Variants in RIN3 observed in about 807,000 individuals in gnomAD.
The protein encoded by RIN3 is RAB5 interacting protein 3.
RIN3 carries 54 observed loss-of-function variants against 76.3 expected under a neutral mutation model. The ratio of observed to expected loss-of-function variants is 0.71; its 90% CI spans 0.57 to 0.89. RIN3 has a LOEUF of 0.89. Among genes scored for constraint, RIN3 ranks in the 40% least tolerant of loss-of-function variants. The probability of loss-of-function intolerance (pLI) is 0.00; values close to 1 mark genes in which losing one functional copy is unlikely to be tolerated. For missense variants in RIN3, 1,256 were observed against 1,322.1 expected (o/e 0.95, Z 0.78); for synonymous variants, 576 against 564.0 (o/e 1.02, Z -0.30).
intron 1 of RIN3, chr14:92,515,483 C>T (rs1300698110): frequency 4.1e-6 from 2 of 488,406 alleles, no homozygotes; most frequent in East Asian, 6.7e-5. Context: ...TCTCAGTTCA[C>T]TTATCAATAA....
At chr14:92,559,189 A>G (rs906756370) in intron 2 of RIN3, among the ~76,000 whole-genome samples, 5 of 152,086 alleles carry the variant, frequency 3.3e-5, no homozygotes, top group Admixed American at 2.0e-4. Flanking sequence ...CCTTGACTGT[A>G]AGATCTGACT....
chr14:92,564,339 G>A (rs1427198107), intron 2 of RIN3, among the ~76,000 whole-genome samples: 2 of 152,210 alleles, frequency 1.3e-5, no homozygotes, highest in African/African-American at 4.8e-5. Context: ...CACCTTGGCT[G>A]AAGATAGACA....
intron 1 of RIN3, among the ~76,000 whole-genome samples, chr14:92,552,318 A>G (rs1179675231): frequency 6.6e-6 from 1 of 152,130 alleles, no homozygotes; most frequent in East Asian, 1.9e-4. Context: ...CCGGGCTGGG[A>G]AGCAGGTTTA....
At chr14:92,611,616 G>A (rs1885739927) in intron 3 of RIN3, among the ~76,000 whole-genome samples, 1 of 152,182 alleles carries the variant, frequency 6.6e-6, no homozygotes, top group Non-Finnish European at 1.5e-5. Flanking sequence ...AATGCAGTAT[G>A]AGGTCAGCTT....
chr14:92,606,373 TACA>T, intron 3 of RIN3, among the ~76,000 whole-genome samples: 1 of 151,946 alleles, frequency 6.6e-6, no homozygotes, highest in African/African-American at 2.4e-5. Flanking sequence ...ACCCCATATC[TACA>T]ACAACAATAA....
At chr14:92,644,497 C>T (rs896336382) in intron 5 of RIN3, 1 of 151,720 alleles carries the variant, frequency 6.6e-6, no homozygotes, top group Non-Finnish European at 1.5e-5. Context: ...AGAGTTTGAT[C>T]TCAGGCACGA....
chr14:92,574,224 G>A (rs74072966), intron 2 of RIN3, among the ~76,000 whole-genome samples: 2,152 of 152,358 alleles, frequency 0.014, 54 homozygotes, highest in African/African-American at 0.048. Flanking sequence ...ATGGTGAAGT[G>A]CAGGAGGTTT....
At position 92,643,909 on chromosome 14, in the gene RIN3, C is replaced by T. The variant is rs1887103719; in HGVS notation, c.532+2580C>T. Among the ~76,000 whole-genome samples the T allele has an allele frequency of 6.6e-6, 1 of 151,624 alleles. No homozygotes were observed. Among genetic ancestry groups the T allele is most frequent in the Admixed American group, 6.6e-5 (1 of 15,222 alleles). On this transcript the variant is annotated intron_variant, in intron 5 of 9. Transcript: ENST00000216487. The surrounding 1 kb of genome is among the most constrained non-coding windows in gnomAD (Gnocchi z 4.8). ...CCCCACTGCACTCCAGCGTGGGCAACAGACTGAGACTCTGCCTCAAAAAAA... is the reference window on the plus strand; with the variant it reads ...CCCCACTGCACTCCAGCGTGGGCAATAGACTGAGACTCTGCCTCAAAAAAA...
intron 3 of RIN3, among the ~76,000 whole-genome samples, chr14:92,602,335 G>T (rs1051456455): frequency 6.6e-6 from 1 of 152,240 alleles, no homozygotes; most frequent in Non-Finnish European, 1.5e-5. Flanking sequence ...AGGGGAGATG[G>T]TGGCCCACAG....
At chr14:92,527,691 C>A (rs1226088996) in intron 1 of RIN3, among the ~76,000 whole-genome samples, 1 of 152,120 alleles carries the variant, frequency 6.6e-6, no homozygotes. Flanking sequence ...CCGCAGACCC[C>A]CGCGTTTCTG....
intron 1 of RIN3, among the ~76,000 whole-genome samples, chr14:92,532,237 G>A (rs1444478612): frequency 2.0e-5 from 3 of 152,178 alleles, no homozygotes; most frequent in Non-Finnish European, 4.4e-5. Context: ...CTTACTGCTA[G>A]GAGAACCTAG....
intron 1 of RIN3, among the ~76,000 whole-genome samples, chr14:92,533,994 G>A (rs1896939493): frequency 6.6e-6 from 1 of 152,098 alleles, no homozygotes; most frequent in Non-Finnish European, 1.5e-5. Context: ...AAATTCTATT[G>A]GATAGCACTG....
intron 1 of RIN3, among the ~76,000 whole-genome samples, chr14:92,516,334 G>A (rs528710464): frequency 6.6e-6 from 1 of 152,174 alleles, no homozygotes; most frequent in Admixed American, 6.5e-5. Context: ...TAATACAGGG[G>A]TCCTGCTGGA....
chr14:92,675,934 T>C (rs1375051291), intron 7 of RIN3, among the ~76,000 whole-genome samples: 1 of 152,130 alleles, frequency 6.6e-6, no homozygotes, highest in Non-Finnish European at 1.5e-5. Flanking sequence ...GAGATGATAC[T>C]TCGAGGGGTC....
rs35874661 is a variant in RIN3 at position 92,594,432 on chromosome 14, C to CA, written c.367+16973dup. On this transcript the variant is annotated intron_variant, in intron 3 of 9. Transcript: ENST00000216487. ...GGGCAACAAGAGCGAAACTCTGTCT[C>CA]AAAAAAAAAAAAAAAAAATTGTAAT... Among the ~76,000 whole-genome samples, 102 of 130,538 alleles carry CA rather than the reference C, an allele frequency of 7.8e-4. 2 individuals are homozygous for CA. The highest frequency in any genetic ancestry group is 7.3e-3 in the South Asian group (29 of 3,978). 85.6% of individuals were successfully genotyped at this position (130,538 alleles called of 152,430 possible). A position where few individuals can be genotyped will look rare whatever the true frequency, so the allele number is the denominator to read the frequency against.
intron 1 of RIN3, among the ~76,000 whole-genome samples, chr14:92,548,705 G>A (rs932187343): frequency 2.0e-5 from 3 of 152,086 alleles, no homozygotes; most frequent in Non-Finnish European, 2.9e-5. Context: ...CCTTCTTATA[G>A]GGACACCTCT....
At chr14:92,545,607 G>T (rs556271368) in intron 1 of RIN3, among the ~76,000 whole-genome samples, 7 of 129,522 alleles carry the variant, frequency 5.4e-5, no homozygotes, top group East Asian at 2.2e-4. Flanking sequence ...TTGAGATGGG[G>T]TCTTACTCTG....
In RIN3 at chr14:92,685,050, C is replaced by A; in HGVS notation, c.2531C>A (p.Thr844Lys). 1 of 1,614,032 alleles carries A rather than the reference C, an allele frequency of 6.2e-7. No individual in the cohort carries two copies. Among genetic ancestry groups the A allele is most frequent in the Non-Finnish European group, 8.5e-7 (1 of 1,179,966 alleles). Residue 844 changes from threonine to lysine, a missense_variant, in exon 9 of 10, where the codon ACG (threonine) becomes AAG (lysine). Physicochemically the swap from Thr to Lys is moderately conservative, Grantham distance 78. Transcript: ENST00000216487. This position sits in a 1 kb window ranked among gnomAD's most constrained non-coding sequence, Gnocchi z 4.7. ...CACATCAAGAGCTACGACAAGATCA[C>A]GGTGACCCGGCAGCTGAGTGTGGAG... ...LEHIKSYDKI[T>K]VTRQLSVEVQ...
At chr14:92,519,094 G>A (rs1462990037) in intron 1 of RIN3, among the ~76,000 whole-genome samples, 1 of 152,102 alleles carries the variant, frequency 6.6e-6, no homozygotes, top group South Asian at 2.1e-4. Flanking sequence ...TTACCAGCTA[G>A]CAGGCAACGG....
Sources: allele counts gnomAD v4.1 joint callset (sites outside exome capture counted in the v4.1 genomes callset), GRCh38; gene constraint gnomAD v4.1.1; non-coding constraint Gnocchi (gnomAD v3.1); transcripts MANE v1.5; gene names NCBI Gene and HGNC (gene_info 2026-07-23, HGNC 2026-07-21).